DPF3: variants seen among roughly 807,000 people sequenced by gnomAD.
DPF3 encodes the protein double PHD fingers 3.
In DPF3, 18 loss-of-function variants were observed where a neutral mutation model predicts 56.8. That is an observed-to-expected ratio of 0.32 (90% CI 0.22 to 0.47). The LOEUF is 0.47. DPF3 is among the 20% of genes least tolerant of loss of function. The pLI is 1.00. For missense variants in DPF3, 403 were observed against 488.8 expected, an observed-to-expected ratio of 0.82 and a Z score of 1.65; for synonymous variants, 188 against 180.2, an observed-to-expected ratio of 1.04 and a Z score of -0.35.
chr14:72,631,982 G>A (rs1885196197), intron 8 of DPF3, among the ~76,000 whole-genome samples: 1 of 152,226 alleles, frequency 6.6e-6, no homozygotes, highest in Non-Finnish European at 1.5e-5. Flanking sequence ...ATGGGTGGAG[G>A]CTTTGAGCAG....
intron 6 of DPF3, among the ~76,000 whole-genome samples, chr14:72,701,387 C>T (rs1282545852): frequency 1.3e-5 from 2 of 152,234 alleles, no homozygotes; most frequent in Non-Finnish European, 2.9e-5. Context: ...ATCCATCTGT[C>T]AAGGTGCAGA....
At chr14:72,808,051 T>C (rs904431421) in intron 1 of DPF3, among the ~76,000 whole-genome samples, 8 of 151,798 alleles carry the variant, frequency 5.3e-5, no homozygotes, top group Non-Finnish European at 7.4e-5. Flanking sequence ...CCTGACCTGA[T>C]GGATGGGAAA....
intron 1 of DPF3, chr14:72,892,784 G>A (rs1886805452): frequency 1.3e-6 from 1 of 790,486 alleles, no homozygotes; most frequent in Non-Finnish European, 1.5e-6. Context: ...AGTCCCGGTC[G>A]AAGGGGTGAG....
At chr14:72,743,201 C>A (rs1890198902) in intron 3 of DPF3, among the ~76,000 whole-genome samples, 1 of 152,176 alleles carries the variant, frequency 6.6e-6, no homozygotes. Flanking sequence ...TGGCAAAGAG[C>A]CACCCTGCTC....
At chr14:72,796,208 C>A (rs1342797530) in intron 1 of DPF3, among the ~76,000 whole-genome samples, 1 of 152,150 alleles carries the variant, frequency 6.6e-6, no homozygotes, top group Non-Finnish European at 1.5e-5. Flanking sequence ...TCCCTTTCCC[C>A]ATCTATAAAA....
At chr14:72,657,490 T>C (rs967750703) in intron 8 of DPF3, among the ~76,000 whole-genome samples, 1 of 152,212 alleles carries the variant, frequency 6.6e-6, no homozygotes, top group African/African-American at 2.4e-5. Context: ...TGGTGAGATT[T>C]TTCTGGCTGT....
In DPF3 at chr14:72,609,464, C is replaced by G. The variant is rs1273833654; in HGVS notation, c.*9833G>C. ...GCCAGCTCTCTGGGAATCACAGAAC[C>G]ATCATGTCCCCTTAGGATGGCAGAA... On this transcript the variant is annotated 3_prime_UTR_variant, in exon 11 of 11. Transcript: ENST00000556509. Among the ~76,000 whole-genome samples, 1 of 152,218 alleles carries G rather than the reference C, an allele frequency of 6.6e-6. No homozygotes were observed. The highest frequency in any genetic ancestry group is 2.4e-5 in the African/African-American group (1 of 41,448).
chr14:72,684,328 T>G (rs1484747110), intron 7 of DPF3, among the ~76,000 whole-genome samples: 2 of 152,184 alleles, frequency 1.3e-5, no homozygotes, highest in Non-Finnish European at 2.9e-5. Context: ...ATTACAGGTA[T>G]GAGCCACAGC....
rs189150993 is a variant in DPF3, at chr14:72,788,537, C to T, written c.33-16644G>A. Among the ~76,000 whole-genome samples the T allele has an allele frequency of 7.9e-5, 12 of 152,226 alleles. No individual in the cohort carries two copies. The East Asian group carries it at 2.3e-3, about 29-fold the overall frequency. Reference sequence around the variant, plus strand: ...GGACAGATTATCTGGGGAATTTATGCTCTCTAATAATTACCTTGCAGAGGG... The same window carrying T: ...GGACAGATTATCTGGGGAATTTATGTTCTCTAATAATTACCTTGCAGAGGG... On this transcript the variant is annotated intron_variant, in intron 1 of 10. Transcript: ENST00000556509.
chr14:72,631,295 G>T (rs1354968345), intron 8 of DPF3, among the ~76,000 whole-genome samples: 1 of 152,126 alleles, frequency 6.6e-6, no homozygotes, highest in African/African-American at 2.4e-5. Context: ...ACCCTCTCAA[G>T]GTGATACCAT....
At position 72,662,706 on chromosome 14, in the gene DPF3, G is replaced by T. The variant is rs72728569; in HGVS notation, c.871+11534C>A. On this transcript the variant is annotated intron_variant, in intron 8 of 10. Transcript: ENST00000556509. ...TGTTGTCTGAAACACACGCACAGGA[G>T]GGGGCTGGGCAAGGGAAGAGGAAGA... The T allele has an allele frequency of 1.1e-3, 1,043 of 988,888 alleles. 2 individuals carry two copies. Among genetic ancestry groups the T allele is most frequent in the Non-Finnish European group, 1.2e-3 (1,017 of 831,292 alleles). 61.3% of individuals were successfully genotyped at this position (988,888 alleles called of 1,614,324 possible). A position where few individuals can be genotyped will look rare whatever the true frequency, so the allele number is the denominator to read the frequency against.
chr14:72,771,279 C>G (rs543954612), intron 2 of DPF3, among the ~76,000 whole-genome samples: 1 of 151,986 alleles, frequency 6.6e-6, no homozygotes, highest in Non-Finnish European at 1.5e-5. Context: ...TTAATTCAGA[C>G]GAAATCTTAT....
intron 3 of DPF3, among the ~76,000 whole-genome samples, chr14:72,736,463 G>A (rs770051665): frequency 2.6e-5 from 4 of 152,182 alleles, no homozygotes; most frequent in African/African-American, 4.8e-5. Context: ...TGTTGTCCAC[G>A]TAATAGCTGC....
At chr14:72,638,449 C>T (rs1355544931) in intron 8 of DPF3, among the ~76,000 whole-genome samples, 2 of 152,284 alleles carry the variant, frequency 1.3e-5, no homozygotes, top group East Asian at 3.9e-4. Context: ...AGATTGGAAA[C>T]CCTGTAATCC....
intron 1 of DPF3, among the ~76,000 whole-genome samples, chr14:72,823,795 G>A (rs1883662638): frequency 6.6e-6 from 1 of 152,130 alleles, no homozygotes; most frequent in African/African-American, 2.4e-5. Context: ...CAGAGAGTAG[G>A]AAACTCCATT....
At chr14:72,828,273 C>G (rs8008398) in intron 1 of DPF3, among the ~76,000 whole-genome samples, 2 of 151,982 alleles carry the variant, frequency 1.3e-5, no homozygotes, top group East Asian at 3.9e-4. Flanking sequence ...ACAGCAGATC[C>G]TGCCTTCAAC....
intron 5 of DPF3, among the ~76,000 whole-genome samples, chr14:72,718,950 T>A (rs1233752306): frequency 6.6e-6 from 1 of 151,794 alleles, no homozygotes; most frequent in Non-Finnish European, 1.5e-5. Context: ...TTTCATATTT[T>A]TAGTAGAGAC....
At chr14:72,827,925 CTGGGCAA>C (rs1883883888) in intron 1 of DPF3, among the ~76,000 whole-genome samples, 1 of 152,002 alleles carries the variant, frequency 6.6e-6, no homozygotes, top group Non-Finnish European at 1.5e-5. Flanking sequence ...GCATTCTAGC[CTGGGCAA>C]CAGAGCAAGA....
At chr14:72,836,335 G>A in intron 1 of DPF3, 2 of 985,556 alleles carry the variant, frequency 2.0e-6, no homozygotes, top group Non-Finnish European at 2.4e-6. Context: ...GTGACCGAAT[G>A]TGAATGCTTC....
Sources: allele counts gnomAD v4.1 joint callset (sites outside exome capture counted in the v4.1 genomes callset), GRCh38; gene constraint gnomAD v4.1.1; transcripts MANE v1.5; gene names NCBI Gene and HGNC (gene_info 2026-07-23, HGNC 2026-07-21).